Variants in CPNE4 observed in about 807,000 individuals in gnomAD.
The protein encoded by CPNE4 is copine-4.
CPNE4 carries 25 observed loss-of-function variants against 67.9 expected under a neutral mutation model. That is an observed-to-expected ratio of 0.37 (90% CI 0.27 to 0.51). The LOEUF (loss-of-function observed/expected upper bound fraction) is 0.51. Among genes scored for constraint, CPNE4 ranks in the 20% least tolerant of loss-of-function variants. The pLI, the probability that CPNE4 is intolerant of heterozygous loss-of-function variation, is 0.93. For missense variants in CPNE4, 464 were observed against 690.8 expected, an observed-to-expected ratio of 0.67 and a Z score of 3.68; for synonymous variants, 242 against 244.9, an observed-to-expected ratio of 0.99 and a Z score of 0.11.
intron 7 of CPNE4, among the ~76,000 whole-genome samples, chr3:131,633,137 C>G (rs6767010): frequency 1.3e-5 from 2 of 152,024 alleles, no homozygotes; most frequent in Non-Finnish European, 2.9e-5. Flanking sequence ...TCAAATCTTT[C>G]AGGAAATCTT....
At chr3:131,808,069 T>C (rs1028896828) in intron 2 of CPNE4, among the ~76,000 whole-genome samples, 1 of 152,146 alleles carries the variant, frequency 6.6e-6, no homozygotes, top group Non-Finnish European at 1.5e-5. Flanking sequence ...TCAGCTCAGC[T>C]CCTGGCTAGT....
At chr3:132,002,777 A>G (rs1317263192) in intron 1 of CPNE4, among the ~76,000 whole-genome samples, 2 of 152,150 alleles carry the variant, frequency 1.3e-5, no homozygotes, top group African/African-American at 4.8e-5. Flanking sequence ...GTGCATATTT[A>G]AACAAGTATC....
intron 2 of CPNE4, among the ~76,000 whole-genome samples, chr3:131,792,734 T>TGTATATATATACATATATACACAC (rs1560323604): frequency 5.9e-5 from 3 of 50,520 alleles, no homozygotes; most frequent in Non-Finnish European, 1.2e-4. Flanking sequence ...TATATACACG[T>TGTATATATATACATATATACACAC]GTGTATATAT....
At chr3:131,547,845 G>A (rs567678227) in intron 14 of CPNE4, among the ~76,000 whole-genome samples, 22 of 152,262 alleles carry the variant, frequency 1.4e-4, no homozygotes, top group Non-Finnish European at 3.1e-4. Flanking sequence ...AGACCCATTT[G>A]TTTCTTATGG....
chr3:132,038,693 A>C (rs768992621), upstream of CPNE4, among the ~76,000 whole-genome samples: 2 of 152,194 alleles, frequency 1.3e-5, no homozygotes, highest in African/African-American at 2.4e-5. Context: ...TTTTAACTAC[A>C]TAATATCTTC....
Position 131,945,192 on chromosome 3 carries a change from A to G in CPNE4, c.-1-39748T>C, listed in dbSNP as rs188315027. Reference sequence around the variant, plus strand: ...TAATATTAAGTCCACATACTATACCAGATACTTTTTACTTATTTAGTCCTC... The same window carrying G: ...TAATATTAAGTCCACATACTATACCGGATACTTTTTACTTATTTAGTCCTC... On this transcript the variant is annotated intron_variant, in intron 1 of 15. Coordinates refer to ENST00000429747, the MANE Select transcript of CPNE4 (RefSeq NM_130808.3). 2.2e-4 allele frequency among the ~76,000 whole-genome samples: 19 copies of G among 86,496 alleles called. No individual in the cohort carries two copies. The East Asian group carries it at 5.9e-3, about 27-fold the overall frequency. The allele number at this position is 86,496 out of a possible 152,430, so 56.7% of individuals were successfully genotyped here.
At chr3:131,675,000 A>G (rs2107663259) in intron 6 of CPNE4, among the ~76,000 whole-genome samples, 1 of 151,920 alleles carries the variant, frequency 6.6e-6, no homozygotes, top group East Asian at 1.9e-4. Flanking sequence ...AGGTTTTGGT[A>G]TGTTTTATTT....
chr3:131,680,527 C>G (rs904528010), intron 6 of CPNE4, among the ~76,000 whole-genome samples: 9 of 151,982 alleles, frequency 5.9e-5, no homozygotes, highest in Non-Finnish European at 1.2e-4. Flanking sequence ...TTTAATGACT[C>G]TGTCTTGAAA....
chr3:132,008,656 T>G (rs565086988), intron 1 of CPNE4, among the ~76,000 whole-genome samples: 11 of 152,280 alleles, frequency 7.2e-5, no homozygotes, highest in African/African-American at 2.4e-4. Flanking sequence ...AGCTATGGGT[T>G]CAGTCAGATA....
At chr3:131,722,538 G>A (rs995667729) in intron 3 of CPNE4, among the ~76,000 whole-genome samples, 2 of 150,144 alleles carry the variant, frequency 1.3e-5, no homozygotes, top group African/African-American at 4.9e-5. Context: ...CCTAGATAAT[G>A]TTTTTTTCAG....
chr3:131,704,858 A>G (rs2081380739), intron 3 of CPNE4, among the ~76,000 whole-genome samples: 1 of 151,398 alleles, frequency 6.6e-6, no homozygotes, highest in Admixed American at 6.6e-5. Flanking sequence ...GAAATTGTGT[A>G]TCCCATATTG....
chr3:131,736,320 ATGTAAAAGTTGAAGCTAC>A (rs2082233009), intron 2 of CPNE4, among the ~76,000 whole-genome samples: 1 of 152,306 alleles, frequency 6.6e-6, no homozygotes, highest in African/African-American at 2.4e-5. Flanking sequence ...ACTACAGTTA[ATGTAAAAGTTGAAGCTAC>A]TGTCTGGGCA....
At chr3:131,968,447 G>T (rs1200255553) in intron 1 of CPNE4, among the ~76,000 whole-genome samples, 1 of 152,198 alleles carries the variant, frequency 6.6e-6, no homozygotes, top group Non-Finnish European at 1.5e-5. Flanking sequence ...GAAAATGTTT[G>T]CAATCTCTCC....
At chr3:131,547,455 CAAAAAAAAAAAAA>C (rs56412825) in intron 14 of CPNE4, among the ~76,000 whole-genome samples, 16 of 36,542 alleles carry the variant, frequency 4.4e-4, no homozygotes, top group East Asian at 1.6e-3. Flanking sequence ...GACCCTGTCG[CAAAAAAAAAAAAA>C]AAAAAAAAAA....
At chr3:131,777,195 T>C (rs950516332) in intron 2 of CPNE4, among the ~76,000 whole-genome samples, 1 of 152,112 alleles carries the variant, frequency 6.6e-6, no homozygotes, top group Non-Finnish European at 1.5e-5. Context: ...AACTCACGTA[T>C]CTTTCCCTTG....
chr3:131,932,967 G>C (rs2071114981), intron 1 of CPNE4, among the ~76,000 whole-genome samples: 1 of 152,134 alleles, frequency 6.6e-6, no homozygotes, highest in Non-Finnish European at 1.5e-5. Context: ...GTTGCAGTGA[G>C]CCATGATTGT....
upstream of CPNE4, chr3:132,037,655 G>C: frequency 6.7e-7 from 1 of 1,503,532 alleles, no homozygotes; most frequent in Non-Finnish European, 8.9e-7. Context: ...TGTGGCCCTG[G>C]TGTTCCCAAG....
chr3:131,829,394 C>A (rs1466746140), intron 2 of CPNE4, among the ~76,000 whole-genome samples: 1 of 152,154 alleles, frequency 6.6e-6, no homozygotes, highest in Admixed American at 6.5e-5. Flanking sequence ...TGAAACCCAT[C>A]TCTTTCTTCC....
At chr3:131,955,410 G>GTTTTT (rs766033406) in intron 1 of CPNE4, among the ~76,000 whole-genome samples, 481 of 42,084 alleles carry the variant, frequency 0.011, 8 homozygotes, top group Middle Eastern at 0.036. Context: ...TGTATGTAAG[G>GTTTTT]TTTTTTTTTT....
Sources: allele counts gnomAD v4.1 joint callset (sites outside exome capture counted in the v4.1 genomes callset), GRCh38; gene constraint gnomAD v4.1.1; transcripts MANE v1.5; gene names NCBI Gene and HGNC (gene_info 2026-07-23, HGNC 2026-07-21).